The following SCLY variants were observed in gnomAD, a reference collection of about 807,000 sequenced individuals.
The protein encoded by SCLY is selenocysteine lyase.
A neutral mutation model predicts 50.1 loss-of-function variants in SCLY; 38 were observed. That is an observed-to-expected ratio of 0.76 (90% CI 0.59 to 0.99). SCLY has a LOEUF of 0.99. Ranked by LOEUF, SCLY falls within the 50% of genes least tolerant of loss-of-function variation. The pLI is 0.00. For synonymous variants in SCLY, 243 were observed against 249.4 expected (o/e 0.97, Z 0.24); for missense variants, 600 against 620.0 (o/e 0.97, Z 0.34).
chr2:238,061,270 G>T (rs934745993), intron 1 of SCLY, 127 bp downstream of exon 1: 1 of 774,714 alleles, frequency 1.3e-6, no homozygotes, highest in Non-Finnish European at 2.3e-6. Flanking sequence ...GGGGATGTCC[G>T]CGAGGTCGGC....
chr2:238,094,308 T>C, intron 9 of SCLY, 112 bp from the exon 10 acceptor site: 1 of 890,870 alleles, frequency 1.1e-6, no homozygotes, highest in Non-Finnish European at 1.8e-6. Flanking sequence ...AGATGCTGAT[T>C]GAAAAGTATG....
intron 8 of SCLY, chr2:238,091,847 A>C (rs2065365755): frequency 6.4e-6 from 1 of 156,262 alleles, no homozygotes; most frequent in South Asian, 2.0e-4. Context: ...TCTATCCCTG[A>C]CACTGCTTTA....
chr2:238,091,557 A>C, intron 8 of SCLY: 5 of 332,182 alleles, frequency 1.5e-5, no homozygotes, highest in Non-Finnish European at 2.8e-5. Context: ...CACCATTCCC[A>C]AAGGCGTCGG....
chr2:238,098,117 C>T (rs76864137), intron 11 of SCLY, 85 bp from the exon 12 acceptor site: 10 of 1,501,988 alleles, frequency 6.7e-6, no homozygotes, highest in Non-Finnish European at 7.2e-6. Flanking sequence ...CAGAGCCCCA[C>T]TAGGGGAGTG....
chr2:238,098,404 C>T lies in SCLY; in HGVS notation c.*49C>T. The stretch of plus-strand genomic sequence containing the variant: ...CGCTTCTGGGAAGCCCGTGGCAGGG[C>T]ACAGGGTTGTCCCTCCAGTTCCCTC... On this transcript the variant is annotated 3_prime_UTR_variant, in exon 12 of 12. Transcript: ENST00000254663. 6.5e-7 allele frequency: 1 copy of T among 1,530,094 alleles called. No individual in the cohort carries two copies. The allele number at this position is 1,530,094 out of a possible 1,614,324, so 94.8% of individuals were successfully genotyped here.
intron 7 of SCLY, among the ~76,000 whole-genome samples, chr2:238,085,839 A>T (rs2065292005): frequency 6.6e-6 from 1 of 152,250 alleles, no homozygotes; most frequent in Non-Finnish European, 1.5e-5. Context: ...ACAGCCTGAA[A>T]AAGTGCTTGA....
At chr2:238,097,519 C>T (rs764631204) in intron 11 of SCLY, among the ~76,000 whole-genome samples, 12 of 152,014 alleles carry the variant, frequency 7.9e-5, no homozygotes, top group South Asian at 2.1e-4. Context: ...GCCAGCAGCA[C>T]GTGGCCATCA....
Position 238,098,424 on chromosome 2 carries a change from T to A in SCLY, c.*69T>A. On this transcript the variant is annotated 3_prime_UTR_variant, in exon 12 of 12. Transcript: ENST00000254663. ...CAGGGCACAGGGTTGTCCCTCCAGT[T>A]CCCTCCTGAGGGCTGTGCCAGGATG... 2 of 1,472,088 alleles carry A rather than the reference T, an allele frequency of 1.4e-6. No homozygotes were observed. The highest frequency in any genetic ancestry group is 1.8e-6 in the Non-Finnish European group (2 of 1,102,074). The allele number at this position is 1,472,088 out of a possible 1,614,324, so 91.2% of individuals were successfully genotyped here. A position where few individuals can be genotyped will look rare whatever the true frequency, so the allele number is the denominator to read the frequency against.
intron 11 of SCLY, among the ~76,000 whole-genome samples, chr2:238,097,381 C>CTGGGGAG (rs200558277): frequency 0.26 from 34,604 of 130,630 alleles, 4,133 homozygotes; most frequent in African/African-American, 0.38. Flanking sequence ...GGTGCCCGAG[C>CTGGGGAG]AGCGGCCTGC....
At chr2:238,096,720 C>G (rs1262498027) in intron 10 of SCLY, 81 bp from the exon 11 acceptor site, 1 of 1,448,644 alleles carries the variant, frequency 6.9e-7, no homozygotes, top group Non-Finnish European at 9.5e-7. Flanking sequence ...AAGCAGCCTG[C>G]GCCCAGCAGG....
chr2:238,068,098 G>C lies in SCLY; in HGVS notation c.236G>C (p.Arg79Pro). Residue 79 changes from arginine (R) to proline (P), a missense_variant, in exon 3 of 12, where the codon CGG becomes CCG. Transcript: ENST00000254663. ...GCCAAGGATATTATAAATGCAGCTC[G>C]GGAAAGCCTCGCGAAGATGATAGGG... ...RKAKDIINAA[R>P]ESLAKMIGGK... 1 of 1,612,634 alleles carries C rather than the reference G, an allele frequency of 6.2e-7. No individual in the cohort carries two copies. The highest frequency in any genetic ancestry group is 8.5e-7 in the Non-Finnish European group (1 of 1,179,500).
At chr2:238,091,551 ATT>A in intron 8 of SCLY, 89 of 404,130 alleles carry the variant, frequency 2.2e-4, no homozygotes, top group South Asian at 5.4e-4. Flanking sequence ...CAGGTTCACC[ATT>A]CCCAAAGGCG....
At chr2:238,079,411 A>G (rs1473212383) in intron 4 of SCLY, 1 of 152,156 alleles carries the variant, frequency 6.6e-6, no homozygotes, top group South Asian at 2.1e-4. Context: ...AAGAGCAAGT[A>G]TATGTTTATA....
intron 4 of SCLY, among the ~76,000 whole-genome samples, chr2:238,077,952 T>TA (rs2065190177): frequency 9.3e-6 from 1 of 107,576 alleles, no homozygotes; most frequent in African/African-American, 4.3e-5. Context: ...CTGTAGATTC[T>TA]CTTTTTTTTT....
intron 4 of SCLY, among the ~76,000 whole-genome samples, chr2:238,073,289 TAGG>T (rs2065143642): frequency 6.6e-6 from 1 of 152,246 alleles, no homozygotes; most frequent in Admixed American, 6.5e-5. Flanking sequence ...AACAGGAAAG[TAGG>T]AGTTCTCCAA....
chr2:238,069,400 C>T lies in SCLY; in HGVS notation c.407C>T (p.Pro136Leu). ...GHHSPVKGAK[P>L]HFITSSVEHD... is the part of the protein sequence containing the mutation. ...CACAGCCCAGTGAAGGGGGCCAAGC[C>T]CCATTTCATTACTTCCTCGGTGGAA... The change falls in exon 4 of 12, where the codon CCC (proline) becomes CTC (leucine). Residue 136 changes from proline to leucine, a missense_variant. Transcript: ENST00000254663. The surrounding 1 kb of genome is among the most constrained non-coding windows in gnomAD (Gnocchi z 5.0). The T allele has an allele frequency of 6.2e-7, 1 of 1,614,074 alleles. No homozygotes were observed. The highest frequency in any genetic ancestry group is 8.5e-7 in the Non-Finnish European group (1 of 1,179,986).
Position 238,061,008 on chromosome 2 carries a change from G to T in SCLY, c.-47G>T. ...TCCTCCCCGGCGCTCTGGGCCCGTAGCGCTCCGCGGGAAGGAGGCTGGATG... is the reference window on the plus strand; with the variant it reads ...TCCTCCCCGGCGCTCTGGGCCCGTATCGCTCCGCGGGAAGGAGGCTGGATG... On this transcript the variant is annotated 5_prime_UTR_variant, in exon 1 of 12. Transcript: ENST00000254663. The T allele has an allele frequency of 7.5e-7, 1 of 1,327,514 alleles. No homozygotes were observed. Among genetic ancestry groups the T allele is most frequent in the Non-Finnish European group, 9.7e-7 (1 of 1,035,670 alleles). 82.2% of individuals were successfully genotyped at this position (1,327,514 alleles called of 1,614,324 possible). A position where few individuals can be genotyped will look rare whatever the true frequency, so the allele number is the denominator to read the frequency against.
chr2:238,078,080 A>C (rs2065192325), intron 4 of SCLY, among the ~76,000 whole-genome samples: 1 of 151,820 alleles, frequency 6.6e-6, no homozygotes, highest in Admixed American at 6.6e-5. Context: ...CAGCCTCCCG[A>C]GTAGCTGGTA....
chr2:238,073,784 C>G, intron 4 of SCLY: 1 of 466,008 alleles, frequency 2.1e-6, no homozygotes, highest in Non-Finnish European at 4.4e-6. Context: ...CCTCCTCAGC[C>G]TACTCAATGT....
Sources: gnomAD v4.1 joint callset for allele counts (sites outside exome capture counted in the v4.1 genomes callset) on GRCh38, gnomAD v4.1.1 for gene constraint, Gnocchi (gnomAD v3.1) non-coding constraint, MANE v1.5 for transcripts, NCBI Gene and HGNC (gene_info 2026-07-23, HGNC 2026-07-21) for gene names.